TRIM43: variants seen among roughly 807,000 people sequenced by gnomAD.
TRIM43 encodes tripartite motif-containing protein 43.
A neutral mutation model predicts 27.7 loss-of-function variants in TRIM43; 12 were observed. That is an observed-to-expected ratio of 0.43 (90% CI 0.28 to 0.70). TRIM43 has a LOEUF of 0.70. Among genes scored for constraint, TRIM43 ranks in the 30% least tolerant of loss-of-function variants. The pLI, the probability that TRIM43 is intolerant of heterozygous loss-of-function variation, is 0.17. For synonymous variants in TRIM43, 64 were observed against 121.9 expected (o/e 0.52, Z 3.13); for missense variants, 186 against 356.5 (o/e 0.52, Z 3.85).
chr2:95,593,375 AC>A (rs1299192638), intron 1 of TRIM43, among the ~76,000 whole-genome samples: 1 of 149,120 alleles, frequency 6.7e-6, no homozygotes, highest in African/African-American at 2.4e-5. Flanking sequence ...GGAACAGTAA[AC>A]ATGCCAGAAA....
At chr2:95,593,453 G>A (rs2104457187) in intron 1 of TRIM43, among the ~76,000 whole-genome samples, 1 of 151,880 alleles carries the variant, frequency 6.6e-6, no homozygotes, top group Non-Finnish European at 1.5e-5. Context: ...CCTTGGAGAG[G>A]TGCCTTACCT....
intron 2 of TRIM43, 103 bp from the exon 3 acceptor site, chr2:95,594,947 C>T: frequency 8.0e-7 from 1 of 1,248,202 alleles, no homozygotes; most frequent in African/African-American, 1.5e-5. Context: ...TTTCTCCTCT[C>T]ACTAATGTAT....
Position 95,593,012 on chromosome 2 carries a change from T to C in TRIM43, c.-5+863T>C, listed in dbSNP as rs1243682662. On this transcript the variant is annotated intron_variant, in intron 1 of 6. Coordinates refer to ENST00000272395, the MANE Select transcript of TRIM43 (RefSeq NM_138800.3). Reference sequence around the variant, plus strand: ...GCCGGGTTCACGCCATTCTCCAGCCTCCGCCTCCAGAGTAGCTGGGACTAC... The same window carrying C: ...GCCGGGTTCACGCCATTCTCCAGCCCCCGCCTCCAGAGTAGCTGGGACTAC... Among the ~76,000 whole-genome samples, 317 of 149,706 alleles carry C rather than the reference T, an allele frequency of 2.1e-3. 5 individuals are homozygous for C. The highest frequency in any genetic ancestry group is 6.9e-3 in the African/African-American group (285 of 41,048).
chr2:95,593,063 AT>A (rs1327453441), intron 1 of TRIM43, among the ~76,000 whole-genome samples: 2 of 151,444 alleles, frequency 1.3e-5, no homozygotes, highest in Admixed American at 6.6e-5. Flanking sequence ...CTCCCGGCTA[AT>A]TTTTTGTATT....
In TRIM43 at chr2:95,594,353, C is replaced by T; in HGVS notation, c.330C>T (p.Leu110=). The T allele has an allele frequency of 1.2e-6, 2 of 1,610,682 alleles. No individual in the cohort carries two copies. The highest frequency in any genetic ancestry group is 1.7e-6 in the Non-Finnish European group (2 of 1,179,486). ...KKMFCDMDKS[L]LCLLCSNSQE... ...TGTTCTGTGACATGGACAAGAGTCT[C>T]CTCTGCTTGCTGTGCTCCAACTCTC... Residue 110 remains leucine (L), a synonymous_variant, in exon 2 of 7, where the codon CTC becomes CTT. Transcript: ENST00000272395.
chr2:95,592,517 T>C (rs1356299607), intron 1 of TRIM43, among the ~76,000 whole-genome samples: 14 of 151,308 alleles, frequency 9.3e-5, no homozygotes, highest in Non-Finnish European at 1.9e-4. Context: ...TATAGCCGCC[T>C]GCCACCACGC....
At chr2:95,595,989 C>T (rs1028684880) in intron 3 of TRIM43, among the ~76,000 whole-genome samples, 4 of 151,234 alleles carry the variant, frequency 2.6e-5, no homozygotes, top group Admixed American at 6.6e-5. Flanking sequence ...ATTGTATTTC[C>T]GATTTGATTT....
At chr2:95,594,913 A>G (rs1685327285) in intron 2 of TRIM43, 137 bp from the exon 3 acceptor site, 9 of 709,230 alleles carry the variant, frequency 1.3e-5, no homozygotes, top group South Asian at 8.6e-5. Flanking sequence ...TCAATTAAGG[A>G]TGAGCAATGA....
intron 1 of TRIM43, 103 bp downstream of exon 1, chr2:95,592,252 G>T (rs1685260742): frequency 6.6e-6 from 1 of 151,736 alleles, no homozygotes; most frequent in East Asian, 1.9e-4. Flanking sequence ...ATTTTTAGAT[G>T]AAATGATCTC....
In TRIM43 at chr2:95,592,168, G is replaced by C. The variant is rs888534859; in HGVS notation, c.-5+19G>C. The C allele has an allele frequency of 2.0e-5, 3 of 151,844 alleles. No homozygotes were observed. The highest frequency in any genetic ancestry group is 2.9e-5 in the Non-Finnish European group (2 of 67,972). The allele number at this position is 151,844 out of a possible 1,614,324, so 9.4% of individuals were successfully genotyped here. A position where few individuals can be genotyped will look rare whatever the true frequency, so the allele number is the denominator to read the frequency against. On this transcript the variant is annotated intron_variant, in intron 1 of 6. Coordinates refer to ENST00000272395, the MANE Select transcript of TRIM43 (RefSeq NM_138800.3). ...TTCTGAGGTAAGTACACAATTTCCA[G>C]AGTAGGAGCTACTATTAGGAGCTAC... is the stretch of plus-strand genomic sequence containing the variant.
chr2:95,592,975 C>T (rs1225731898), intron 1 of TRIM43, among the ~76,000 whole-genome samples: 2 of 151,528 alleles, frequency 1.3e-5, no homozygotes, highest in South Asian at 2.1e-4. Context: ...CGGCTCACTG[C>T]AAGCTCCGCC....
At chr2:95,594,679 T>C (rs1685322238) in intron 2 of TRIM43, among the ~76,000 whole-genome samples, 1 of 150,380 alleles carries the variant, frequency 6.6e-6, no homozygotes. Flanking sequence ...GCTAATGACA[T>C]TGAAAAGCTA....
chr2:95,595,414 A>G (rs1573642396), intron 3 of TRIM43, among the ~76,000 whole-genome samples: 1 of 151,706 alleles, frequency 6.6e-6, no homozygotes, highest in Non-Finnish European at 1.5e-5. Context: ...TATAAAATTA[A>G]TTATGAAATG....
Position 95,594,168 on chromosome 2 carries a change from C to T in TRIM43, c.145C>T (p.Pro49Ser). The part of the protein sequence containing the change: ...LCLSWEEAQS[P>S]ANCPACREPS... The stretch of plus-strand genomic sequence containing the variant: ...CCTTTCGTGGGAGGAAGCCCAAAGT[C>T]CTGCAAACTGCCCTGCATGCAGGGA... The change falls in exon 2 of 7, where the codon CCT (proline) becomes TCT (serine). Residue 49 changes from proline (P) to serine (S), a missense_variant. Around this residue, in one of 6 missense-constraint regions of TRIM43, gnomAD observed 29 missense variants for 78.7 expected, o/e 0.37. Transcript: ENST00000272395. The T allele has an allele frequency of 1.2e-6, 2 of 1,612,196 alleles. No individual in the cohort carries two copies. The highest frequency in any genetic ancestry group is 1.7e-6 in the Non-Finnish European group (2 of 1,179,272).
intron 4 of TRIM43, 90 bp downstream of exon 4, chr2:95,596,522 C>T: frequency 6.8e-7 from 1 of 1,480,804 alleles, no homozygotes; most frequent in Non-Finnish European, 9.0e-7. Context: ...ATTATTTCCT[C>T]ATCTCCTGTA....
intron 3 of TRIM43, 109 bp from the exon 4 acceptor site, chr2:95,596,093 G>A (rs1685350901): frequency 7.7e-7 from 1 of 1,295,222 alleles, no homozygotes; most frequent in Admixed American, 2.2e-5. Flanking sequence ...TCATCATCCT[G>A]TTTGTAAAGG....
Position 95,594,566 on chromosome 2 carries a change from G to A in TRIM43, c.411+132G>A, listed in dbSNP as rs563772875. On this transcript the variant is annotated intron_variant, in intron 2 of 6. Coordinates refer to ENST00000272395, the MANE Select transcript of TRIM43 (RefSeq NM_138800.3). ...AGGTGCTGTTCTAGGTACCAATGAT[G>A]ACATTTTGAATAAAATGTGCAACTC... The A allele has an allele frequency of 1.2e-4, 137 of 1,188,392 alleles. 2 individuals are homozygous for A. The African/African-American group carries it at 1.7e-3, about 14-fold the overall frequency. 73.6% of individuals were successfully genotyped at this position (1,188,392 alleles called of 1,614,324 possible).
At chr2:95,596,464 T>C (rs1685356882) in intron 4 of TRIM43, 32 bp downstream of exon 4, 1 of 1,545,400 alleles carries the variant, frequency 6.5e-7, no homozygotes, top group Admixed American at 1.9e-5. Context: ...TGAGACACTT[T>C]GTGTTAGCTG....
Position 95,595,148 on chromosome 2 carries a change from A to G in TRIM43, c.507+3A>G. The stretch of plus-strand genomic sequence containing the variant: ...GAAGAACAGCCTTCCTCTGGAGGGT[A>G]AGTATGAGACCGTGAGTCCTCCTGA... On this transcript the variant is annotated splice_donor_region_variant and intron_variant, in intron 3 of 6. Transcript: ENST00000272395. 6.2e-7 allele frequency: 1 copy of G among 1,610,042 alleles called. No homozygotes were observed. The highest frequency in any genetic ancestry group is 8.5e-7 in the Non-Finnish European group (1 of 1,177,742).
Sources: allele counts gnomAD v4.1 joint callset (sites outside exome capture counted in the v4.1 genomes callset), GRCh38; gene constraint gnomAD v4.1.1; regional missense constraint gnomAD v4.1.1; transcripts MANE v1.5; gene names NCBI Gene and HGNC (gene_info 2026-07-23, HGNC 2026-07-21).